The following GNAS-AS1 variants were observed in gnomAD, a reference collection of about 807,000 sequenced individuals.
GNAS-AS1 encodes GNAS antisense RNA 1 (non-protein coding).
chr20:58,825,485 C>A (rs951920798), intron 4 of GNAS-AS1, among the ~76,000 whole-genome samples: 8 of 152,180 alleles, frequency 5.3e-5, no homozygotes, highest in Non-Finnish European at 1.2e-4. Flanking sequence ...TTTTAAAATA[C>A]TTAACCAGAC....
chr20:58,819,766 A>G (rs1199400554), intron 4 of GNAS-AS1, among the ~76,000 whole-genome samples: 2 of 152,184 alleles, frequency 1.3e-5, no homozygotes, highest in Non-Finnish European at 2.9e-5. Flanking sequence ...CCAGGCAACC[A>G]ACCAGGATTG....
In GNAS-AS1 at chr20:58,840,050, G is replaced by T. The variant is rs140203361; in HGVS notation, n.819+1887C>A. The T allele has an allele frequency of 1.9e-6, 3 of 1,593,622 alleles. No individual in the cohort carries two copies. The highest frequency in any genetic ancestry group is 1.7e-6 in the Non-Finnish European group (2 of 1,170,174). Reference sequence around the variant, plus strand: ...CGGCTCCAGCAGCCAATGTGCTTCGGAGCCACTCTCTGCAGAGCCAGAGGG... The same window carrying T: ...CGGCTCCAGCAGCCAATGTGCTTCGTAGCCACTCTCTGCAGAGCCAGAGGG... On this transcript the variant is annotated intron_variant and non_coding_transcript_variant, in intron 4 of 4. Coordinates refer to ENST00000424094, the Ensembl canonical transcript of GNAS-AS1. The surrounding 1 kb of genome is among the most constrained non-coding windows in gnomAD (Gnocchi z 6.0).
intron 2 of GNAS-AS1, among the ~76,000 whole-genome samples, chr20:58,848,311 C>T (rs190666211): frequency 6.6e-6 from 1 of 152,346 alleles, no homozygotes; most frequent in African/African-American, 2.4e-5. Context: ...CAGCACACAG[C>T]CCCTCATGAC....
intron 4 of GNAS-AS1, among the ~76,000 whole-genome samples, chr20:58,821,694 T>A (rs945270791): frequency 3.3e-5 from 5 of 152,142 alleles, no homozygotes; most frequent in African/African-American, 1.2e-4. Context: ...GATGAGGGGA[T>A]CTTCTGAGCC....
In GNAS-AS1 at chr20:58,841,670, G is replaced by C; in HGVS notation, n.819+267C>G. ...GCGGGCGGTTAGGGGAAAGTACCTG[G>C]GGGAAAGGTAGAGGAGGTAAGGGGA... is the stretch of plus-strand genomic sequence containing the variant. On this transcript the variant is annotated intron_variant and non_coding_transcript_variant, in intron 4 of 4. Coordinates refer to ENST00000424094, the Ensembl canonical transcript of GNAS-AS1. This position sits in a 1 kb window ranked among gnomAD's most constrained non-coding sequence, Gnocchi z 5.0. 6.0e-6 allele frequency: 7 copies of C among 1,165,690 alleles called. No homozygotes were observed. Among genetic ancestry groups the C allele is most frequent in the Non-Finnish European group, 7.4e-6 (7 of 945,672 alleles). The allele number at this position is 1,165,690 out of a possible 1,614,324, so 72.2% of individuals were successfully genotyped here.
chr20:58,831,134 A>G (rs1460925963), intron 4 of GNAS-AS1, among the ~76,000 whole-genome samples: 1 of 152,230 alleles, frequency 6.6e-6, no homozygotes, highest in Non-Finnish European at 1.5e-5. Context: ...ATTTTAAAAT[A>G]TAAAAAGAAG....
At chr20:58,825,740 T>C (rs1351126554) in intron 4 of GNAS-AS1, among the ~76,000 whole-genome samples, 1 of 152,234 alleles carries the variant, frequency 6.6e-6, no homozygotes, top group Non-Finnish European at 1.5e-5. Flanking sequence ...TGGTTTTAAC[T>C]GTAGTCTCTG....
chr20:58,839,554 G>A (rs952328838), intron 4 of GNAS-AS1: 1 of 402,812 alleles, frequency 2.5e-6, no homozygotes, highest in African/African-American at 2.1e-5. Flanking sequence ...CAGGCCCCCC[G>A]CCCATCGCTT....
At chr20:58,849,969 T>A (rs563665657) in intron 1 of GNAS-AS1, among the ~76,000 whole-genome samples, 1 of 152,262 alleles carries the variant, frequency 6.6e-6, no homozygotes, top group African/African-American at 2.4e-5. Context: ...GCCCTCATAC[T>A]CCATGGCATC....
intron 4 of GNAS-AS1, among the ~76,000 whole-genome samples, chr20:58,830,188 C>G (rs1414856910): frequency 6.6e-6 from 1 of 151,194 alleles, no homozygotes; most frequent in African/African-American, 2.4e-5. Context: ...ATAACCACCA[C>G]CACCACATCA....
At chr20:58,832,582 G>A (rs1296291379) in intron 4 of GNAS-AS1, among the ~76,000 whole-genome samples, 2 of 152,184 alleles carry the variant, frequency 1.3e-5, no homozygotes, top group Non-Finnish European at 2.9e-5. Flanking sequence ...TATTAAGGCT[G>A]TAGGGCAGTC....
At chr20:58,838,916 C>CAAAAAA (rs766172876) in intron 4 of GNAS-AS1, 9 of 253,118 alleles carry the variant, frequency 3.6e-5, no homozygotes, top group African/African-American at 1.6e-4. Flanking sequence ...GATTCTGTCT[C>CAAAAAA]AAAAAAAAAA....
chr20:58,837,051 C>G (rs2145462465), intron 4 of GNAS-AS1, among the ~76,000 whole-genome samples: 3 of 152,134 alleles, frequency 2.0e-5, no homozygotes, highest in Middle Eastern at 6.8e-3. Flanking sequence ...TAAAAGCACT[C>G]CATCTGAAGA....
At chr20:58,838,121 G>C (rs1265904261) in intron 4 of GNAS-AS1, among the ~76,000 whole-genome samples, 2 of 152,170 alleles carry the variant, frequency 1.3e-5, no homozygotes, top group Admixed American at 1.3e-4. Flanking sequence ...ATACTCCCAG[G>C]GATTTTAGGA....
chr20:58,828,838 G>T (rs183483751), intron 4 of GNAS-AS1, among the ~76,000 whole-genome samples: 300 of 151,882 alleles, frequency 2.0e-3, no homozygotes, highest in Middle Eastern at 0.017. Context: ...ACTCAACATG[G>T]CAGAGCTCCT....
At chr20:58,832,779 G>C (rs934705446) in intron 4 of GNAS-AS1, among the ~76,000 whole-genome samples, 4 of 152,300 alleles carry the variant, frequency 2.6e-5, no homozygotes, top group Admixed American at 2.6e-4. Context: ...AACTGAGCAA[G>C]GTCAAAAATT....
At chr20:58,830,388 CCACCACCATCACTGCCACACCACCAT>C (rs968276920) in intron 4 of GNAS-AS1, among the ~76,000 whole-genome samples, 1 of 142,674 alleles carries the variant, frequency 7.0e-6, no homozygotes, top group African/African-American at 2.6e-5. Context: ...ACCACAATCA[CCACCACCATCACTGCCACACCACCAT>C]CACCACCACC....
In GNAS-AS1 at chr20:58,839,996, G is replaced by A; in HGVS notation, n.819+1941C>T. The A allele has an allele frequency of 1.6e-6, 2 of 1,240,946 alleles. 1 individual carries two copies. Among genetic ancestry groups the A allele is most frequent in the South Asian group, 2.5e-5 (2 of 80,710 alleles). 76.9% of individuals were successfully genotyped at this position (1,240,946 alleles called of 1,614,324 possible). ...AGGTGAGGCTGGGACCTCCGGGCCA[G>A]CTTCTCACCTCATAGGGTGTACCTT... is the stretch of plus-strand genomic sequence containing the variant. On this transcript the variant is annotated intron_variant and non_coding_transcript_variant, in intron 4 of 4. Transcript: ENST00000424094.
In GNAS-AS1 at chr20:58,832,368, G is replaced by C. The variant is rs560885528; in HGVS notation, n.819+9569C>G. Among the ~76,000 whole-genome samples the C allele has an allele frequency of 2.6e-5, 4 of 152,320 alleles. No homozygotes were observed. The South Asian group carries it at 8.3e-4, about 32-fold the overall frequency. On this transcript the variant is annotated intron_variant and non_coding_transcript_variant, in intron 4 of 4. Coordinates refer to ENST00000424094, the Ensembl canonical transcript of GNAS-AS1. ...CTGGCTTAAGACTAAATGCAGAAAA[G>C]ATGATAATATTTCCCAACTTAATTT...
Sources: allele counts gnomAD v4.1 joint callset (sites outside exome capture counted in the v4.1 genomes callset), GRCh38; gene constraint gnomAD v4.1.1; non-coding constraint Gnocchi (gnomAD v3.1); transcripts MANE v1.5; gene names NCBI Gene and HGNC (gene_info 2026-07-23, HGNC 2026-07-21).